HECW2: variants seen among roughly 807,000 people sequenced by gnomAD.
HECW2 encodes the protein HECT, C2 and WW domain containing E3 ubiquitin protein ligase 2.
Under a neutral mutation model 175.2 loss-of-function variants are expected in HECW2, and 61 were observed. The ratio of observed to expected loss-of-function variants is 0.35; its 90% CI spans 0.28 to 0.43. HECW2 has a LOEUF of 0.43. HECW2 is among the 20% of genes least tolerant of loss of function. The probability of loss-of-function intolerance (pLI) is 1.00; values close to 1 mark genes in which losing one functional copy is unlikely to be tolerated. For missense variants in HECW2, 1,524 were observed against 2,000.5 expected (o/e 0.76, Z 4.54); for synonymous variants, 671 against 731.0 (o/e 0.92, Z 1.32).
intron 1 of HECW2, among the ~76,000 whole-genome samples, chr2:196,542,242 C>T (rs1314950938): frequency 3.6e-5 from 5 of 140,126 alleles, no homozygotes; most frequent in South Asian, 2.3e-4. Context: ...CCAGCCTGGG[C>T]GACAGAGTGA....
intron 1 of HECW2, among the ~76,000 whole-genome samples, chr2:196,533,033 A>G (rs1688895787): frequency 6.6e-6 from 1 of 152,190 alleles, no homozygotes; most frequent in South Asian, 2.1e-4. Context: ...CATACCATGT[A>G]ATTTTTCTGG....
intron 2 of HECW2, among the ~76,000 whole-genome samples, chr2:196,396,740 G>A (rs1392948822): frequency 6.6e-6 from 1 of 152,074 alleles, no homozygotes; most frequent in Non-Finnish European, 1.5e-5. Context: ...TGGGTGGGAT[G>A]TGGCAATGTC....
chr2:196,582,951 T>C (rs1690846102), intron 1 of HECW2, among the ~76,000 whole-genome samples: 1 of 152,200 alleles, frequency 6.6e-6, no homozygotes, highest in African/African-American at 2.4e-5. Context: ...TGTCTCTCCA[T>C]GATCCTCACC....
At chr2:196,272,539 GC>G (rs1689778516) in intron 16 of HECW2, among the ~76,000 whole-genome samples, 1 of 152,214 alleles carries the variant, frequency 6.6e-6, no homozygotes, top group Admixed American at 6.5e-5. Context: ...CAAGATACAT[GC>G]CTTTCTTTAA....
At chr2:196,208,178 TTA>T (rs1687138815) in intron 28 of HECW2, among the ~76,000 whole-genome samples, 1 of 152,214 alleles carries the variant, frequency 6.6e-6, no homozygotes, top group South Asian at 2.1e-4. Flanking sequence ...ATGGCTAAAT[TTA>T]TTGAATGATG....
chr2:196,194,551 G>C lies in HECW2; in HGVS notation c.*6726C>G, dbSNP rs1686626926. The C allele has an allele frequency of 6.6e-6, 1 of 151,936 alleles. No homozygotes were observed. The allele number at this position is 151,936 out of a possible 1,614,324, so 9.4% of individuals were successfully genotyped here. A position where few individuals can be genotyped will look rare whatever the true frequency, so the allele number is the denominator to read the frequency against. ...GAGTCAGGGGTTCAGTTGAGAATAA[G>C]AATACAGACTTCCCAGAAAATAAAC... On this transcript the variant is annotated 3_prime_UTR_variant, in exon 29 of 29. Transcript: ENST00000644978.
chr2:196,423,068 G>T (rs981705772), intron 2 of HECW2, among the ~76,000 whole-genome samples: 1 of 151,986 alleles, frequency 6.6e-6, no homozygotes, highest in Non-Finnish European at 1.5e-5. Context: ...AGGTAGAAGT[G>T]GCCCATTGTG....
intron 9 of HECW2, among the ~76,000 whole-genome samples, 195 bp downstream of exon 9, chr2:196,318,357 C>T (rs1357052460): frequency 6.6e-6 from 1 of 152,202 alleles, no homozygotes; most frequent in Admixed American, 6.5e-5. Context: ...CAGCTGCCCA[C>T]TCATTTGTTA....
chr2:196,335,026 A>G lies in HECW2; in HGVS notation c.401-508T>C, dbSNP rs1471074922. Among the ~76,000 whole-genome samples, 4 of 152,208 alleles carry G rather than the reference A, an allele frequency of 2.6e-5. No homozygotes were observed. The East Asian group carries it at 5.8e-4, about 22-fold the overall frequency. On this transcript the variant is annotated intron_variant, in intron 3 of 28. Coordinates refer to ENST00000644978, the MANE Select transcript of HECW2 (RefSeq NM_001348768.2). ...CTATCTACATTGACTGTAGCTCTCA[A>G]TGGAAATAGAGGAAAAGCAGTCTAA...
At chr2:196,431,336 A>C (rs1431300840) in intron 2 of HECW2, among the ~76,000 whole-genome samples, 2 of 152,208 alleles carry the variant, frequency 1.3e-5, no homozygotes, top group Non-Finnish European at 2.9e-5. Context: ...TCCTGATTAA[A>C]TTTAGACAGG....
chr2:196,530,654 A>G (rs951762909), intron 1 of HECW2, among the ~76,000 whole-genome samples: 1 of 152,222 alleles, frequency 6.6e-6, no homozygotes, highest in Non-Finnish European at 1.5e-5. Context: ...AAATACAGTA[A>G]GACAGTTATT....
intron 21 of HECW2, among the ~76,000 whole-genome samples, chr2:196,234,300 G>C: frequency 6.7e-6 from 1 of 148,938 alleles, no homozygotes; most frequent in Non-Finnish European, 1.5e-5. Context: ...TTTTTAAAGA[G>C]ACAGGGTGAC....
intron 17 of HECW2, among the ~76,000 whole-genome samples, chr2:196,268,795 T>C (rs923667355): frequency 6.6e-6 from 1 of 152,188 alleles, no homozygotes; most frequent in Admixed American, 6.5e-5. Flanking sequence ...GTTCCCTTTA[T>C]TTTGTGATTA....
intron 15 of HECW2, among the ~76,000 whole-genome samples, chr2:196,276,027 A>G (rs1188467645): frequency 6.6e-6 from 1 of 152,226 alleles, no homozygotes; most frequent in East Asian, 1.9e-4. Context: ...ATCACTAAGT[A>G]CAGATTGTTA....
intron 1 of HECW2, among the ~76,000 whole-genome samples, chr2:196,472,017 G>A (rs1697218968): frequency 1.3e-5 from 2 of 149,020 alleles, no homozygotes; most frequent in Admixed American, 1.3e-4. Flanking sequence ...GAACCTAAAA[G>A]TCACTTATAG....
intron 14 of HECW2, among the ~76,000 whole-genome samples, chr2:196,285,245 G>A (rs1376919200): frequency 1.3e-5 from 2 of 151,970 alleles, no homozygotes; most frequent in African/African-American, 4.8e-5. Flanking sequence ...ACCAACCTCA[G>A]GCTCAACAAA....
chr2:196,325,330 C>T (rs143431012), intron 5 of HECW2, among the ~76,000 whole-genome samples, 181 bp from the exon 6 acceptor site: 176 of 152,260 alleles, frequency 1.2e-3, no homozygotes, highest in Middle Eastern at 3.4e-3. Flanking sequence ...TAAACAGAAA[C>T]GGCTCTGTAA....
At chr2:196,439,596 C>T (rs946968208) in intron 1 of HECW2, among the ~76,000 whole-genome samples, 13 of 152,192 alleles carry the variant, frequency 8.5e-5, no homozygotes, top group African/African-American at 2.9e-4. Context: ...AAAAGAATTG[C>T]AGAGCCCACC....
intron 2 of HECW2, among the ~76,000 whole-genome samples, chr2:196,380,861 T>C (rs1694189271): frequency 6.6e-6 from 1 of 152,246 alleles, no homozygotes; most frequent in South Asian, 2.1e-4. Context: ...CCTACTGTGC[T>C]GAGTTCAACC....
Sources: gnomAD v4.1 joint callset for allele counts (sites outside exome capture counted in the v4.1 genomes callset) on GRCh38, gnomAD v4.1.1 for gene constraint, MANE v1.5 for transcripts, NCBI Gene and HGNC (gene_info 2026-07-23, HGNC 2026-07-21) for gene names.